Variants in OPHN1 observed in about 807,000 individuals in gnomAD.
OPHN1 encodes the protein oligophrenin-1.
A neutral mutation model predicts 60.7 loss-of-function variants in OPHN1; 11 were observed. The observed-to-expected ratio is 0.18, with a 90% CI of 0.11 to 0.30. The LOEUF is 0.30. OPHN1 is among the 10% of genes least tolerant of loss of function. The probability of loss-of-function intolerance (pLI) is 1.00; values close to 1 mark genes in which losing one functional copy is unlikely to be tolerated. For missense variants in OPHN1, 449 were observed against 611.0 expected, an observed-to-expected ratio of 0.73 and a Z score of 2.80; for synonymous variants, 226 against 222.6, an observed-to-expected ratio of 1.02 and a Z score of -0.14.
At chrX:68,326,966 G>A (rs1208220734) in intron 2 of OPHN1, among the ~76,000 whole-genome samples, 1 of 31,703 alleles carries the variant, frequency 3.2e-5, no homozygotes, top group Non-Finnish European at 4.4e-5. Context: ...GCCTCTGCCC[G>A]GCCGCCCCTA....
rs767228716 is a variant in OPHN1 at position 68,169,629 on chromosome X, T to C, written c.1276+23290A>G. ...CAGAGCCCTCAGAAATAACGCCACA[T>C]ATCTACAACTATCTGATCTTTGACA... On this transcript the variant is annotated intron_variant, in intron 15 of 24. Coordinates refer to ENST00000355520, the MANE Select transcript of OPHN1 (RefSeq NM_002547.3). Among the ~76,000 whole-genome samples the C allele has an allele frequency of 4.6e-5, 5 of 109,091 alleles. No homozygotes were observed. The South Asian group carries it at 2.0e-3, about 44-fold the overall frequency. The allele number at this position is 109,091 out of a possible 115,157, so 94.7% of individuals were successfully genotyped here.
intron 15 of OPHN1, among the ~76,000 whole-genome samples, chrX:68,154,792 C>G (rs1864254353): frequency 9.1e-6 from 1 of 109,809 alleles, no homozygotes; most frequent in Admixed American, 9.9e-5. Flanking sequence ...ATACTGTTAT[C>G]CCTATGGTTT....
At chrX:68,233,015 G>A (rs1007233465) in intron 6 of OPHN1, among the ~76,000 whole-genome samples, 3 of 105,706 alleles carry the variant, frequency 2.8e-5, no homozygotes, top group African/African-American at 7.0e-5. Context: ...TGCAACCTCC[G>A]CCTCCCGGGT....
At chrX:68,240,589 T>C (rs909347765) in intron 5 of OPHN1, among the ~76,000 whole-genome samples, 5 of 111,834 alleles carry the variant, frequency 4.5e-5, no homozygotes, top group African/African-American at 1.6e-4. Context: ...CTGTAATATT[T>C]CATTTATTTT....
chrX:68,060,806 C>G lies in OPHN1; in HGVS notation c.2158+3048G>C, dbSNP rs182103776. ...TGACAACTGCAAGGTACAGACTGGG[C>G]TGGCTGAGGTAACAGTTCCCTCCCT... On this transcript the variant is annotated intron_variant, in intron 21 of 24. Coordinates refer to ENST00000355520, the MANE Select transcript of OPHN1 (RefSeq NM_002547.3). Among the ~76,000 whole-genome samples, 23 of 111,494 alleles carry G rather than the reference C, an allele frequency of 2.1e-4. No individual in the cohort carries two copies. In the East Asian group the frequency reaches 6.3e-3, roughly 30 times the overall value.
intron 15 of OPHN1, among the ~76,000 whole-genome samples, chrX:68,132,060 T>C (rs997924942): frequency 1.8e-5 from 2 of 112,092 alleles, no homozygotes; most frequent in Admixed American, 1.9e-4. Flanking sequence ...ATACATTTAA[T>C]GAGGCGATTA....
intron 2 of OPHN1, among the ~76,000 whole-genome samples, chrX:68,375,247 C>T (rs1344874646): frequency 8.9e-6 from 1 of 112,013 alleles, no homozygotes; most frequent in Admixed American, 9.5e-5. Context: ...AACCCCAGCA[C>T]TTTGGGAGGC....
chrX:68,066,654 T>C (rs955237784), intron 20 of OPHN1, among the ~76,000 whole-genome samples: 5 of 111,789 alleles, frequency 4.5e-5, no homozygotes, highest in African/African-American at 1.6e-4. Flanking sequence ...GACCCTGTTC[T>C]AAGTGCTTTA....
chrX:68,080,354 C>A (rs1313874190), intron 19 of OPHN1, among the ~76,000 whole-genome samples: 1 of 111,859 alleles, frequency 8.9e-6, no homozygotes, highest in African/African-American at 3.3e-5. Flanking sequence ...CTGTATGTAT[C>A]CAGAGTGATC....
chrX:68,265,730 G>A (rs1465989401), intron 5 of OPHN1, among the ~76,000 whole-genome samples: 6 of 111,212 alleles, frequency 5.4e-5, no homozygotes, highest in Admixed American at 9.6e-5. Context: ...AAACTACTCC[G>A]AGCTAAAGGA....
chrX:68,116,051 A>ACGAC (rs1439815956), intron 16 of OPHN1, among the ~76,000 whole-genome samples: 1 of 112,200 alleles, frequency 8.9e-6, no homozygotes, highest in Non-Finnish European at 1.9e-5. Flanking sequence ...AGTTTATCTG[A>ACGAC]CGACCGGGAT....
rs755221977 is a variant in OPHN1, at chrX:68,231,931, A to AT, written c.486+2555_486+2556insA. Among the ~76,000 whole-genome samples, 446 of 112,233 alleles carry AT rather than the reference A, an allele frequency of 4.0e-3. 3 individuals are homozygous for AT. The highest frequency in any genetic ancestry group is 0.014 in the African/African-American group (425 of 30,913). ...ATACATTGGCTCCTCAATTCTAACA[A>AT]ATGTATCACACAAATGCAAGATGAT... On this transcript the variant is annotated intron_variant, in intron 6 of 24. Coordinates refer to ENST00000355520, the MANE Select transcript of OPHN1 (RefSeq NM_002547.3).
intron 2 of OPHN1, among the ~76,000 whole-genome samples, chrX:68,407,836 G>C (rs955395551): frequency 1.8e-5 from 2 of 112,467 alleles, no homozygotes; most frequent in Non-Finnish European, 3.8e-5. Context: ...AGCATTATCA[G>C]ATAATAATCC....
intron 23 of OPHN1, among the ~76,000 whole-genome samples, chrX:68,050,123 T>A (rs1167666968): frequency 9.0e-6 from 1 of 111,658 alleles, no homozygotes; most frequent in Non-Finnish European, 1.9e-5. Context: ...GGTCTGAGGA[T>A]CTTGATCAGA....
At chrX:68,393,886 T>TTTTTTG (rs2078667476) in intron 2 of OPHN1, among the ~76,000 whole-genome samples, 2 of 30,051 alleles carry the variant, frequency 6.7e-5, no homozygotes, top group Admixed American at 7.2e-4. Context: ...ATAGACTTTG[T>TTTTTTG]TTTTTTTTTT....
chrX:68,384,892 C>A (rs963435951), intron 2 of OPHN1, among the ~76,000 whole-genome samples: 1 of 110,474 alleles, frequency 9.1e-6, no homozygotes, highest in African/African-American at 3.3e-5. Context: ...ATATAACAGG[C>A]TTGGGGTCTC....
At chrX:68,408,909 C>T (rs1275124100) in intron 2 of OPHN1, among the ~76,000 whole-genome samples, 1 of 112,424 alleles carries the variant, frequency 8.9e-6, no homozygotes, top group African/African-American at 3.2e-5. Flanking sequence ...TGCAGTGAGC[C>T]AAGATCGTGC....
intron 2 of OPHN1, among the ~76,000 whole-genome samples, chrX:68,313,913 T>TGATTATTA (rs2078185641): frequency 9.0e-6 from 1 of 111,691 alleles, no homozygotes; most frequent in African/African-American, 3.3e-5. Context: ...TACCCTGATG[T>TGATTATTA]GATTATTAAC....
At chrX:68,197,118 G>T in intron 12 of OPHN1, 68 bp downstream of exon 12, 1 of 762,956 alleles carries the variant, frequency 1.3e-6, no homozygotes, top group Non-Finnish European at 2.1e-6. Context: ...GAGACCCACT[G>T]ATACCACTAG....
Sources: allele counts gnomAD v4.1 joint callset (sites outside exome capture counted in the v4.1 genomes callset), GRCh38; gene constraint gnomAD v4.1.1; transcripts MANE v1.5; gene names NCBI Gene and HGNC (gene_info 2026-07-23, HGNC 2026-07-21).